The following CABLES1 variants were observed in gnomAD, a reference collection of about 807,000 sequenced individuals.
The protein encoded by CABLES1 is Cdk5 and Abl enzyme substrate 1.
A neutral mutation model predicts 57.8 loss-of-function variants in CABLES1; 36 were observed. The observed-to-expected ratio is 0.62, with a 90% CI of 0.48 to 0.82. CABLES1 has a LOEUF of 0.82. CABLES1 is among the 40% of genes least tolerant of loss of function. The probability of loss-of-function intolerance (pLI) is 0.00; values close to 1 mark genes in which losing one functional copy is unlikely to be tolerated. For missense variants in CABLES1, 767 were observed against 836.6 expected, an observed-to-expected ratio of 0.92 and a Z score of 1.03; for synonymous variants, 374 against 363.0, an observed-to-expected ratio of 1.03 and a Z score of -0.35.
In CABLES1 at chr18:23,258,376, T is replaced by C. The variant is rs1299537609; in HGVS notation, c.*1009T>C. On this transcript the variant is annotated 3_prime_UTR_variant, in exon 10 of 10. Transcript: ENST00000256925. The stretch of plus-strand genomic sequence containing the variant: ...GAATAGGAGCACGACGCATGATTGG[T>C]GTTTGAGGCGTTTGCCAGCTGGGAC... 2 of 152,322 alleles carry C rather than the reference T, an allele frequency of 1.3e-5. No individual in the cohort carries two copies. The highest frequency in any genetic ancestry group is 2.9e-5 in the Non-Finnish European group (2 of 68,040). The allele number at this position is 152,322 out of a possible 1,614,324, so 9.4% of individuals were successfully genotyped here.
rs778611451 is a variant in CABLES1 at position 23,237,152 on chromosome 18, G to C, written c.1353G>C (p.Leu451=). The C allele has an allele frequency of 1.2e-5, 20 of 1,608,780 alleles. No individual in the cohort carries two copies. The highest frequency in any genetic ancestry group is 1.7e-5 in the Non-Finnish European group (20 of 1,175,104). ...TQGSLDTGSD[L]GDFMDYDPNL... is the part of the protein sequence containing the mutation. ...GCATGTGATCTTCAGGTAGTGACCT[G>C]GGAGACTTTATGGACTATGACCCAA... is the stretch of plus-strand genomic sequence containing the variant. The change falls in exon 7 of 10, where the codon CTG becomes CTC. Residue 451 remains leucine (L), a synonymous_variant. Transcript: ENST00000256925.
At chr18:23,250,983 A>G (rs2048023339) in intron 7 of CABLES1, among the ~76,000 whole-genome samples, 2 of 152,224 alleles carry the variant, frequency 1.3e-5, no homozygotes, top group African/African-American at 4.8e-5. Context: ...GACATTGTAC[A>G]TGTCTGTGCT....
At chr18:23,187,519 T>C (rs879325710) in intron 1 of CABLES1, among the ~76,000 whole-genome samples, 1 of 152,182 alleles carries the variant, frequency 6.6e-6, no homozygotes, top group Non-Finnish European at 1.5e-5. Context: ...CCCAAGTAGC[T>C]GGGACTACAG....
intron 4 of CABLES1, among the ~76,000 whole-genome samples, chr18:23,224,597 C>G (rs1200873251): frequency 4.3e-5 from 5 of 115,252 alleles, no homozygotes; most frequent in Admixed American, 2.5e-4. Context: ...GAGACAGAGT[C>G]TCTCTCAGTT....
intron 1 of CABLES1, among the ~76,000 whole-genome samples, chr18:23,165,172 T>A (rs1373887742): frequency 6.6e-6 from 1 of 152,184 alleles, no homozygotes; most frequent in Admixed American, 6.6e-5. Context: ...CATAGCTCAT[T>A]GCAGCTTCAA....
chr18:23,210,860 G>C (rs1310104633), intron 3 of CABLES1, among the ~76,000 whole-genome samples: 1 of 152,126 alleles, frequency 6.6e-6, no homozygotes, highest in African/African-American at 2.4e-5. Context: ...GAGGGTCTAT[G>C]AAATGATTGG....
At chr18:23,150,642 G>C in intron 1 of CABLES1, among the ~76,000 whole-genome samples, 1 of 152,166 alleles carries the variant, frequency 6.6e-6, no homozygotes, top group East Asian at 1.9e-4. Flanking sequence ...AGTGGCTCGT[G>C]CTGGCAATGG....
At chr18:23,253,332 A>T (rs2048085601) in intron 8 of CABLES1, among the ~76,000 whole-genome samples, 1 of 152,066 alleles carries the variant, frequency 6.6e-6, no homozygotes, top group Admixed American at 6.6e-5. Flanking sequence ...AAAATTTAAA[A>T]ATTAGCCAGG....
At chr18:23,155,908 T>C (rs2046962081) in intron 1 of CABLES1, 1 of 1,613,990 alleles carries the variant, frequency 6.2e-7, no homozygotes, top group Non-Finnish European at 8.5e-7. Context: ...CTTGAATGCT[T>C]TCTAAGAGGG....
chr18:23,188,675 G>A lies in CABLES1; in HGVS notation c.846-163G>A, dbSNP rs374325121. On this transcript the variant is annotated intron_variant, in intron 1 of 9. Coordinates refer to ENST00000256925, the MANE Select transcript of CABLES1 (RefSeq NM_001100619.3). ...GGATTCAGCCAGCAAGATGGGCCTG[G>A]CGTGCAGGGTGGGAACATGGCAGCC... 2.6e-4 allele frequency among the ~76,000 whole-genome samples: 40 copies of A among 152,282 alleles called. 1 individual carries two copies. In the East Asian group the frequency reaches 4.0e-3, roughly 15 times the overall value.
At chr18:23,147,978 C>CT (rs2046903144) in intron 1 of CABLES1, among the ~76,000 whole-genome samples, 1 of 135,944 alleles carries the variant, frequency 7.4e-6, no homozygotes, top group Non-Finnish European at 1.5e-5. Context: ...TGCTTGGCCT[C>CT]CTTTTTTTTT....
intron 4 of CABLES1, among the ~76,000 whole-genome samples, chr18:23,229,366 C>T (rs1456514441): frequency 1.3e-5 from 2 of 152,098 alleles, no homozygotes; most frequent in Non-Finnish European, 2.9e-5. Context: ...GAGCCGAGAT[C>T]GCACCACTGC....
intron 1 of CABLES1, among the ~76,000 whole-genome samples, chr18:23,175,843 A>AC (rs1249733926): frequency 6.6e-6 from 1 of 152,194 alleles, no homozygotes; most frequent in African/African-American, 2.4e-5. Flanking sequence ...CCTCCTATGT[A>AC]CCAGGTAATG....
At chr18:23,137,541 C>T (rs1471886479) in intron 1 of CABLES1, among the ~76,000 whole-genome samples, 7 of 152,186 alleles carry the variant, frequency 4.6e-5, no homozygotes, top group Non-Finnish European at 8.8e-5. Context: ...AGCATAGACC[C>T]TACCTTGACA....
intron 4 of CABLES1, among the ~76,000 whole-genome samples, chr18:23,222,456 G>C (rs998999282): frequency 6.6e-6 from 1 of 151,900 alleles, no homozygotes; most frequent in Admixed American, 6.6e-5. Context: ...TGTTGGGTGA[G>C]TAGAAGCAAG....
At chr18:23,218,773 C>A (rs77355871) in intron 4 of CABLES1, among the ~76,000 whole-genome samples, 4,199 of 152,318 alleles carry the variant, frequency 0.028, 96 homozygotes, top group African/African-American at 0.064. Flanking sequence ...GCAGACAGAC[C>A]AACCTTAGGA....
At chr18:23,185,121 A>G (rs1433161165) in intron 1 of CABLES1, among the ~76,000 whole-genome samples, 1 of 152,244 alleles carries the variant, frequency 6.6e-6, no homozygotes, top group East Asian at 1.9e-4. Context: ...AAAGAAAGGT[A>G]TATTCTCATC....
intron 1 of CABLES1, among the ~76,000 whole-genome samples, chr18:23,176,408 C>G (rs1283056467): frequency 6.6e-6 from 1 of 152,156 alleles, no homozygotes; most frequent in Non-Finnish European, 1.5e-5. Context: ...GTAATGCTTG[C>G]TTGCCCGCCA....
In CABLES1 at chr18:23,205,930, G is replaced by A. The variant is rs991653900; in HGVS notation, c.1011-8047G>A. Among the ~76,000 whole-genome samples, 7 of 152,256 alleles carry A rather than the reference G, an allele frequency of 4.6e-5. No homozygotes were observed. In the South Asian group the frequency reaches 8.3e-4, roughly 18 times the overall value. On this transcript the variant is annotated intron_variant, in intron 3 of 9. Coordinates refer to ENST00000256925, the MANE Select transcript of CABLES1 (RefSeq NM_001100619.3). ...GCTGTGTGAAGATTGGAGTGATGCT[G>A]TCACAAGCCATGGAGCCACCAGTAG...
Sources: allele counts gnomAD v4.1 joint callset (sites outside exome capture counted in the v4.1 genomes callset), GRCh38; gene constraint gnomAD v4.1.1; transcripts MANE v1.5; gene names NCBI Gene and HGNC (gene_info 2026-07-23, HGNC 2026-07-21).